LIMS1: variants seen among roughly 807,000 people sequenced by gnomAD.
LIMS1 encodes LIM zinc finger domain containing 1.
In LIMS1, 18 loss-of-function variants were observed where a neutral mutation model predicts 44.1. The observed-to-expected ratio is 0.41, with a 90% CI of 0.28 to 0.61. LIMS1 has a LOEUF of 0.61. LIMS1 is among the 20% of genes least tolerant of loss of function. LIMS1 has a pLI of 0.32. For missense variants in LIMS1, 201 were observed against 422.0 expected (o/e 0.48, Z 4.59); for synonymous variants, 93 against 149.1 (o/e 0.62, Z 2.74).
At chr2:108,593,658 T>C (rs1219961601) in intron 1 of LIMS1, among the ~76,000 whole-genome samples, 1 of 152,166 alleles carries the variant, frequency 6.6e-6, no homozygotes, top group Non-Finnish European at 1.5e-5. Context: ...AATAGTATCA[T>C]CCATGGGGAT....
chr2:108,666,657 A>G (rs1367861912), intron 2 of LIMS1, among the ~76,000 whole-genome samples: 1 of 124,548 alleles, frequency 8.0e-6, no homozygotes, highest in Non-Finnish European at 1.6e-5. Flanking sequence ...GCCAGGCATG[A>G]TGGCACACAC....
At chr2:108,591,398 C>A (rs1160060130) in intron 1 of LIMS1, among the ~76,000 whole-genome samples, 2 of 152,050 alleles carry the variant, frequency 1.3e-5, no homozygotes, top group Admixed American at 6.6e-5. Context: ...TTGATAGTTT[C>A]TTGATGTCAG....
intron 1 of LIMS1, among the ~76,000 whole-genome samples, chr2:108,569,764 CTTT>C (rs10596766): frequency 0.052 from 5,857 of 113,116 alleles, 389 homozygotes; most frequent in Non-Finnish European, 0.067. Flanking sequence ...CCATATCTGG[CTTT>C]TTTTTTTTTT....
chr2:108,686,634 G>C (rs1288431276), exon 10 of LIMS1: 2 of 152,080 alleles, frequency 1.3e-5, no homozygotes, highest in Non-Finnish European at 2.9e-5. Flanking sequence ...ACATTAGCCA[G>C]GCGTGGTGGC....
chr2:108,616,199 T>C (rs1687922584), intron 1 of LIMS1, among the ~76,000 whole-genome samples: 1 of 91,918 alleles, frequency 1.1e-5, no homozygotes, highest in African/African-American at 6.4e-5. Context: ...TGCATGGGCT[T>C]TTTTTTTTTT....
rs533154986 is a variant in LIMS1 at position 108,659,053 on chromosome 2, G to A, written c.33-552G>A. 61 of 211,744 alleles carry A rather than the reference G, an allele frequency of 2.9e-4. No homozygotes were observed. The East Asian group carries it at 9.0e-3, about 31-fold the overall frequency. The allele number at this position is 211,744 out of a possible 1,614,324, so 13.1% of individuals were successfully genotyped here. A position where few individuals can be genotyped will look rare whatever the true frequency, so the allele number is the denominator to read the frequency against. On this transcript the variant is annotated intron_variant, in intron 1 of 9. Coordinates refer to ENST00000544547, the Ensembl canonical transcript of LIMS1. ...TATTGGTAATCAGGTTCGTCTTACCGATTAGGTAACAGGACTGGGGCATCT... is the reference window on the plus strand; with the variant it reads ...TATTGGTAATCAGGTTCGTCTTACCAATTAGGTAACAGGACTGGGGCATCT...
intron 5 of LIMS1, among the ~76,000 whole-genome samples, chr2:108,675,520 T>C (rs1250217821): frequency 6.6e-6 from 1 of 152,184 alleles, no homozygotes; most frequent in Admixed American, 6.6e-5. Context: ...TAGCAGATAG[T>C]ATTACTGAGT....
chr2:108,538,355 C>T (rs899935465), intron 1 of LIMS1, among the ~76,000 whole-genome samples: 3 of 152,150 alleles, frequency 2.0e-5, no homozygotes, highest in African/African-American at 7.2e-5. Context: ...TCTTTTTTCA[C>T]GTTGGAGCAC....
intron 1 of LIMS1, among the ~76,000 whole-genome samples, chr2:108,580,637 A>G (rs1245834939): frequency 6.6e-6 from 1 of 152,218 alleles, no homozygotes; most frequent in South Asian, 2.1e-4. Context: ...GTACAGATAT[A>G]AAGTAGTAAA....
intron 1 of LIMS1, among the ~76,000 whole-genome samples, chr2:108,580,344 C>G (rs1483036593): frequency 6.6e-6 from 1 of 152,072 alleles, no homozygotes; most frequent in Non-Finnish European, 1.5e-5. Flanking sequence ...TGGACCAGGA[C>G]CAGTCATTGT....
chr2:108,568,917 A>C (rs1420226154), intron 1 of LIMS1, among the ~76,000 whole-genome samples: 1 of 151,828 alleles, frequency 6.6e-6, no homozygotes, highest in African/African-American at 2.4e-5. Context: ...TTTGAGATGG[A>C]GTCTCACTCT....
intron 2 of LIMS1, among the ~76,000 whole-genome samples, chr2:108,667,515 G>A (rs1341768043): frequency 2.5e-5 from 2 of 79,944 alleles, no homozygotes; most frequent in Non-Finnish European, 4.9e-5. Context: ...ATCATATACA[G>A]TGATTATATT....
At chr2:108,588,508 G>A (rs550189065) in intron 1 of LIMS1, 6 of 985,544 alleles carry the variant, frequency 6.1e-6, no homozygotes, top group Non-Finnish European at 6.0e-6. Flanking sequence ...GGCTCAGGTA[G>A]AGTGCGTAGG....
intron 1 of LIMS1, among the ~76,000 whole-genome samples, chr2:108,536,246 C>A (rs1442738004): frequency 6.6e-6 from 1 of 152,110 alleles, no homozygotes; most frequent in Non-Finnish European, 1.5e-5. Flanking sequence ...ATTGTGCATC[C>A]GTAACCATCA....
intron 1 of LIMS1, among the ~76,000 whole-genome samples, chr2:108,576,825 A>T (rs1376877100): frequency 6.6e-6 from 1 of 152,194 alleles, no homozygotes; most frequent in Non-Finnish European, 1.5e-5. Context: ...TCTCAGATTT[A>T]TCTTGATACA....
intron 1 of LIMS1, among the ~76,000 whole-genome samples, chr2:108,642,424 A>G (rs1689758541): frequency 7.7e-6 from 1 of 129,894 alleles, no homozygotes; most frequent in Admixed American, 9.2e-5. Flanking sequence ...CAGTGGCGCG[A>G]TCTCGGCTCA....
chr2:108,626,017 C>T (rs1381579179), intron 1 of LIMS1, among the ~76,000 whole-genome samples: 1 of 152,094 alleles, frequency 6.6e-6, no homozygotes, highest in East Asian at 1.9e-4. Flanking sequence ...CTCATGATCC[C>T]GTAAGAGAGA....
chr2:108,596,259 G>T (rs1686676736), intron 1 of LIMS1, among the ~76,000 whole-genome samples: 1 of 152,208 alleles, frequency 6.6e-6, no homozygotes. Flanking sequence ...ACAAAAGAGT[G>T]TGAGATAAAT....
chr2:108,582,477 A>G (rs1558796251), intron 1 of LIMS1, among the ~76,000 whole-genome samples: 1 of 152,198 alleles, frequency 6.6e-6, no homozygotes, highest in African/African-American at 2.4e-5. Flanking sequence ...TATCTGTTTC[A>G]GATATCATCG....
Sources: gnomAD v4.1 joint callset for allele counts (sites outside exome capture counted in the v4.1 genomes callset) on GRCh38, gnomAD v4.1.1 for gene constraint, MANE v1.5 for transcripts, NCBI Gene and HGNC (gene_info 2026-07-23, HGNC 2026-07-21) for gene names.